The following MARCHF1 variants were observed in gnomAD, a reference collection of about 807,000 sequenced individuals.
MARCHF1 encodes the protein E3 ubiquitin-protein ligase MARCHF1.
MARCHF1 carries 40 observed loss-of-function variants against 54.2 expected under a neutral mutation model. That is an observed-to-expected ratio of 0.74 (90% confidence interval 0.57 to 0.96). MARCHF1 has a LOEUF of 0.96. Among genes scored for constraint, MARCHF1 ranks in the 40% least tolerant of loss-of-function variants. The pLI is 0.00. For missense variants in MARCHF1, 586 were observed against 656.5 expected (o/e 0.89, Z 1.17); for synonymous variants, 236 against 236.3 (o/e 1.00, Z 0.01).
At chr4:163,672,459 T>A (rs751964442) in intron 5 of MARCHF1, among the ~76,000 whole-genome samples, 58 of 152,268 alleles carry the variant, frequency 3.8e-4, no homozygotes, top group Non-Finnish European at 5.3e-4. Context: ...ATAATTTCCT[T>A]GTTAAAAATA....
At chr4:164,132,771 G>A (rs1756327813) in intron 1 of MARCHF1, among the ~76,000 whole-genome samples, 1 of 151,842 alleles carries the variant, frequency 6.6e-6, no homozygotes, top group Admixed American at 6.6e-5. Context: ...TCTTGCATAA[G>A]TATTTTTCTT....
chr4:164,188,430 C>A, intron 1 of MARCHF1: 1 of 596,604 alleles, frequency 1.7e-6, no homozygotes. Context: ...CTCGGTGAGG[C>A]GTGGTTCGAG....
At chr4:164,059,267 A>G (rs902744701) in intron 2 of MARCHF1, among the ~76,000 whole-genome samples, 1 of 152,204 alleles carries the variant, frequency 6.6e-6, no homozygotes, top group African/African-American at 2.4e-5. Flanking sequence ...GTGACTTGAT[A>G]TTTCCAAGAC....
At chr4:163,867,270 T>C (rs1750073502) in intron 3 of MARCHF1, among the ~76,000 whole-genome samples, 1 of 151,936 alleles carries the variant, frequency 6.6e-6, no homozygotes, top group African/African-American at 2.4e-5. Context: ...TAAACTATGA[T>C]ATTTACATAA....
intron 8 of MARCHF1, among the ~76,000 whole-genome samples, chr4:163,560,585 T>C (rs1739437301): frequency 6.6e-6 from 1 of 152,180 alleles, no homozygotes; most frequent in Non-Finnish European, 1.5e-5. Context: ...ATTGGTATGG[T>C]AGTGAATCTG....
intron 2 of MARCHF1, among the ~76,000 whole-genome samples, chr4:164,109,927 A>AAAG (rs1292029017): frequency 6.7e-6 from 1 of 149,692 alleles, no homozygotes. Flanking sequence ...AAAAAAAAAA[A>AAAG]AAAAAAAAAG....
chr4:164,331,217 G>A (rs1346883795), intron 1 of MARCHF1, among the ~76,000 whole-genome samples: 1 of 151,934 alleles, frequency 6.6e-6, no homozygotes, highest in Non-Finnish European at 1.5e-5. Flanking sequence ...GGCCGAGACA[G>A]AGGAAATAGA....
At chr4:163,925,678 A>T (rs949242453) in intron 3 of MARCHF1, among the ~76,000 whole-genome samples, 1 of 151,796 alleles carries the variant, frequency 6.6e-6, no homozygotes, top group Admixed American at 6.6e-5. Context: ...TTTAAGTAGA[A>T]CATAAGAATG....
intron 1 of MARCHF1, among the ~76,000 whole-genome samples, chr4:164,149,420 T>TATATTG (rs1254326028): frequency 6.6e-6 from 1 of 152,180 alleles, no homozygotes; most frequent in Non-Finnish European, 1.5e-5. Flanking sequence ...GAACATGGAA[T>TATATTG]ATATTGTTCA....
At chr4:164,220,119 A>G (rs1732049017) in intron 1 of MARCHF1, among the ~76,000 whole-genome samples, 1 of 151,700 alleles carries the variant, frequency 6.6e-6, no homozygotes. Flanking sequence ...AATCACATTT[A>G]TCTGTCTCTA....
chr4:163,714,982 T>G (rs960293143), intron 4 of MARCHF1, among the ~76,000 whole-genome samples: 1 of 152,194 alleles, frequency 6.6e-6, no homozygotes. Flanking sequence ...GCACCCAGCC[T>G]ATACACTGTT....
At chr4:163,877,420 G>T (rs1750314146) in intron 3 of MARCHF1, among the ~76,000 whole-genome samples, 1 of 149,832 alleles carries the variant, frequency 6.7e-6, no homozygotes, top group African/African-American at 2.4e-5. Flanking sequence ...TCCCACCCTT[G>T]ACATTTTTAT....
chr4:164,321,495 A>G (rs974807812), intron 1 of MARCHF1, among the ~76,000 whole-genome samples: 1 of 152,000 alleles, frequency 6.6e-6, no homozygotes, highest in Non-Finnish European at 1.5e-5. Flanking sequence ...TAAAAAAAAA[A>G]ACTATTCCAT....
intron 4 of MARCHF1, among the ~76,000 whole-genome samples, chr4:163,704,804 T>C (rs1273026528): frequency 2.6e-5 from 4 of 151,594 alleles, no homozygotes; most frequent in Admixed American, 2.6e-4. Flanking sequence ...AAAAGAAACA[T>C]AAAAGCTAAA....
At chr4:164,011,436 T>A (rs1395026002) in intron 2 of MARCHF1, among the ~76,000 whole-genome samples, 2 of 152,018 alleles carry the variant, frequency 1.3e-5, no homozygotes, top group Non-Finnish European at 2.9e-5. Flanking sequence ...AAAAAGTAAC[T>A]CAATTAAAAA....
chr4:163,879,544 G>T (rs1750369035), intron 3 of MARCHF1, among the ~76,000 whole-genome samples: 1 of 152,174 alleles, frequency 6.6e-6, no homozygotes, highest in South Asian at 2.1e-4. Flanking sequence ...AGGCTTATAT[G>T]TAAAGTATCA....
In MARCHF1 at chr4:163,558,736, G is replaced by A. The variant is rs562293775; in HGVS notation, c.1192-12993C>T. ...AGGAGTAAGGTAAACAGGCTTTTGC[G>A]TTGCCAGGGTTTCAGAAAGCCTGTT... On this transcript the variant is annotated intron_variant, in intron 8 of 9. Coordinates refer to ENST00000514618, the MANE Select transcript of MARCHF1 (RefSeq NM_001394959.1). Among the ~76,000 whole-genome samples the A allele has an allele frequency of 3.9e-5, 6 of 152,278 alleles. No individual in the cohort carries two copies. In the East Asian group the frequency reaches 5.8e-4, roughly 15 times the overall value.
At chr4:164,138,420 A>G (rs1243154010) in intron 1 of MARCHF1, among the ~76,000 whole-genome samples, 1 of 152,154 alleles carries the variant, frequency 6.6e-6, no homozygotes, top group Non-Finnish European at 1.5e-5. Context: ...TCCTGTGACC[A>G]GAAGTAGGAG....
chr4:164,143,771 G>C lies in MARCHF1; in HGVS notation c.-322-32109C>G, dbSNP rs536293524. ...AGGAAGAAACTGCATCAACTAATGA[G>C]CAAAATAACCAGCTAACATCATAAT... On this transcript the variant is annotated intron_variant, in intron 1 of 9. Transcript: ENST00000514618. Among the ~76,000 whole-genome samples, 24 of 152,222 alleles carry C rather than the reference G, an allele frequency of 1.6e-4. No homozygotes were observed. In the East Asian group the frequency reaches 4.6e-3, roughly 29 times the overall value.
Sources: gnomAD v4.1 joint callset for allele counts (sites outside exome capture counted in the v4.1 genomes callset) on GRCh38, gnomAD v4.1.1 for gene constraint, MANE v1.5 for transcripts, NCBI Gene and HGNC (gene_info 2026-07-23, HGNC 2026-07-21) for gene names.